Variants in CEP112 observed in about 807,000 individuals in gnomAD.
CEP112 encodes the protein centrosomal protein of 112 kDa.
In CEP112, 127 loss-of-function variants were observed where a neutral mutation model predicts 153.0. The observed-to-expected ratio is 0.83, with a 90% CI of 0.72 to 0.96. The LOEUF is 0.96. Ranked by LOEUF, CEP112 falls within the 40% of genes least tolerant of loss-of-function variation. CEP112 has a pLI of 0.00. For missense variants in CEP112, 1,089 were observed against 1,101.2 expected (o/e 0.99, Z 0.16); for synonymous variants, 358 against 374.4 (o/e 0.96, Z 0.51).
intron 20 of CEP112, among the ~76,000 whole-genome samples, chr17:65,876,600 T>C (rs2058836386): frequency 6.6e-6 from 1 of 152,196 alleles, no homozygotes; most frequent in South Asian, 2.1e-4. Flanking sequence ...TATAGACCTA[T>C]ACCCTTCGGC....
chr17:65,763,202 T>A (rs1056132290), intron 21 of CEP112, among the ~76,000 whole-genome samples: 15 of 152,002 alleles, frequency 9.9e-5, no homozygotes, highest in African/African-American at 3.4e-4. Context: ...ACGTAAGGTG[T>A]TTTTCTTTTC....
At chr17:66,054,731 C>T (rs772183173) in intron 11 of CEP112, among the ~76,000 whole-genome samples, 1 of 152,160 alleles carries the variant, frequency 6.6e-6, no homozygotes, top group East Asian at 1.9e-4. Context: ...GGAGTCCAAA[C>T]AGTCCAAATG....
rs1157419339 is a variant in CEP112, at chr17:66,129,764, A to G, written c.624T>C (p.Leu208=). 1 of 1,611,896 alleles carries G rather than the reference A, an allele frequency of 6.2e-7. No individual in the cohort carries two copies. Among genetic ancestry groups the G allele is most frequent in the Admixed American group, 1.7e-5 (1 of 59,810 alleles). ...SLDDSDIEAR[L]NSWNLGIENP... is the part of the protein sequence containing the mutation. ...TTTTTACCCCAAGATTCCAACTATT[A>G]AGGCGAGCTTCAATGTCACTATCAT... is the stretch of plus-strand genomic sequence containing the variant. The change falls in exon 6 of 27, where the codon CTT becomes CTC. Residue 208 remains leucine, a synonymous_variant. Coordinates refer to ENST00000535342, the MANE Select transcript of CEP112 (RefSeq NM_001199165.4).
intron 17 of CEP112, among the ~76,000 whole-genome samples, chr17:65,964,651 T>C (rs190363609): frequency 6.6e-6 from 1 of 152,076 alleles, no homozygotes; most frequent in Non-Finnish European, 1.5e-5. Context: ...GAATGTACTA[T>C]TTAAAGGATT....
chr17:66,123,029 C>A (rs370886895), intron 6 of CEP112, among the ~76,000 whole-genome samples: 3 of 152,286 alleles, frequency 2.0e-5, no homozygotes, highest in African/African-American at 7.2e-5. Context: ...ACTGCCTCTC[C>A]CCCTGTACAA....
chr17:66,158,227 A>T (rs2071531813), intron 4 of CEP112, among the ~76,000 whole-genome samples: 1 of 152,240 alleles, frequency 6.6e-6, no homozygotes, highest in South Asian at 2.1e-4. Context: ...ACTCAGGATT[A>T]AGAAACTCAC....
At chr17:65,775,576 C>T (rs1359339597) in intron 21 of CEP112, among the ~76,000 whole-genome samples, 1 of 152,024 alleles carries the variant, frequency 6.6e-6, no homozygotes, top group Non-Finnish European at 1.5e-5. Context: ...GATCTTGGCT[C>T]ACTGCAACCT....
chr17:65,774,162 T>C (rs748004314), intron 21 of CEP112, among the ~76,000 whole-genome samples: 3 of 151,492 alleles, frequency 2.0e-5, no homozygotes, highest in Non-Finnish European at 4.4e-5. Flanking sequence ...GGAATAAGAA[T>C]ACTACTTGAA....
chr17:65,912,739 A>G (rs966846252), intron 19 of CEP112, among the ~76,000 whole-genome samples: 1 of 152,198 alleles, frequency 6.6e-6, no homozygotes, highest in Non-Finnish European at 1.5e-5. Context: ...CTGTATCCAA[A>G]ATTATATTGA....
chr17:65,718,945 A>G (rs2049709291), intron 23 of CEP112, among the ~76,000 whole-genome samples: 1 of 152,218 alleles, frequency 6.6e-6, no homozygotes, highest in South Asian at 2.1e-4. Context: ...AAGGGAAAGA[A>G]AAGGCAAGTG....
chr17:65,721,638 C>T (rs1261351971), intron 23 of CEP112, among the ~76,000 whole-genome samples: 1 of 152,168 alleles, frequency 6.6e-6, no homozygotes. Flanking sequence ...ACAAATTCCT[C>T]AGGCTTCTTG....
At chr17:65,794,354 T>C (rs1383653204) in intron 21 of CEP112, among the ~76,000 whole-genome samples, 1 of 152,214 alleles carries the variant, frequency 6.6e-6, no homozygotes, top group Non-Finnish European at 1.5e-5. Flanking sequence ...CACTGGCTCA[T>C]TTCCTTTGCC....
At chr17:65,715,675 T>A (rs944795292) in intron 23 of CEP112, among the ~76,000 whole-genome samples, 8 of 152,196 alleles carry the variant, frequency 5.3e-5, no homozygotes, top group South Asian at 2.1e-4. Flanking sequence ...ATGGTCTTGA[T>A]CTCCCGACCT....
chr17:66,135,399 C>T (rs1054078186), intron 4 of CEP112, among the ~76,000 whole-genome samples: 3 of 152,276 alleles, frequency 2.0e-5, no homozygotes, highest in African/African-American at 4.8e-5. Context: ...TCTGAGTGAA[C>T]AGTGAAACAG....
chr17:65,814,766 TCA>T (rs2056177508), intron 21 of CEP112, among the ~76,000 whole-genome samples: 1 of 152,166 alleles, frequency 6.6e-6, no homozygotes, highest in Admixed American at 6.5e-5. Context: ...GGCACAAATT[TCA>T]GTTTTCATGG....
At chr17:65,647,643 A>AT (rs11358851) in intron 24 of CEP112, among the ~76,000 whole-genome samples, 361 of 143,660 alleles carry the variant, frequency 2.5e-3, no homozygotes, top group Non-Finnish European at 3.7e-3. Context: ...TGCCCAGCTA[A>AT]TTTTTTTTTT....
chr17:66,182,630 T>C (rs745919145), intron 2 of CEP112, among the ~76,000 whole-genome samples: 2 of 152,214 alleles, frequency 1.3e-5, no homozygotes, highest in African/African-American at 2.4e-5. Flanking sequence ...AATTGTTCTC[T>C]AGTGTCTTAA....
At chr17:66,142,079 G>C (rs1002332381) in intron 4 of CEP112, among the ~76,000 whole-genome samples, 1 of 152,152 alleles carries the variant, frequency 6.6e-6, no homozygotes, top group Non-Finnish European at 1.5e-5. Flanking sequence ...CATTCTAACA[G>C]GTGTGAGTGA....
Position 66,053,922 on chromosome 17 carries a change from A to G in CEP112, c.1075-43T>C, listed in dbSNP as rs756388265. ...GAGTTGACTCTTTTACTACTATGGA[A>G]TTGACTATTTTGTAATTCAGCGGAA... On this transcript the variant is annotated intron_variant, in intron 11 of 26. Coordinates refer to ENST00000535342, the MANE Select transcript of CEP112 (RefSeq NM_001199165.4). 5.3e-5 allele frequency: 82 copies of G among 1,533,174 alleles called. 1 individual carries two copies. Among genetic ancestry groups the G allele is most frequent in the Non-Finnish European group, 7.1e-5 (80 of 1,127,548 alleles). 95.0% of individuals were successfully genotyped at this position (1,533,174 alleles called of 1,614,324 possible). A position where few individuals can be genotyped will look rare whatever the true frequency, so the allele number is the denominator to read the frequency against.
Sources: allele counts gnomAD v4.1 joint callset (sites outside exome capture counted in the v4.1 genomes callset), GRCh38; gene constraint gnomAD v4.1.1; transcripts MANE v1.5; gene names NCBI Gene and HGNC (gene_info 2026-07-23, HGNC 2026-07-21).